Variants in GLS observed in about 807,000 individuals in gnomAD.
GLS encodes the protein glutaminase, also known as glutaminase kidney isoform, mitochondrial.
A neutral mutation model predicts 86.7 loss-of-function variants in GLS; 36 were observed. The observed-to-expected ratio is 0.42, with a 90% CI of 0.32 to 0.55. The LOEUF is 0.55. Ranked by LOEUF, GLS falls within the 20% of genes least tolerant of loss-of-function variation. GLS has a pLI of 0.17. For synonymous variants in GLS, 317 were observed against 305.9 expected (o/e 1.04, Z -0.38); for missense variants, 528 against 833.4 (o/e 0.63, Z 4.51).
chr2:190,937,622 G>A (rs1203825334), intron 14 of GLS, among the ~76,000 whole-genome samples: 1 of 151,304 alleles, frequency 6.6e-6, no homozygotes, highest in East Asian at 1.9e-4. Context: ...GAGAATTTAA[G>A]TTGACTTTGT....
intron 3 of GLS, among the ~76,000 whole-genome samples, chr2:190,900,257 C>G (rs1444360368): frequency 2.6e-5 from 4 of 152,110 alleles, no homozygotes; most frequent in Non-Finnish European, 5.9e-5. Flanking sequence ...GTTACCAACT[C>G]TGATTGAGTA....
At chr2:190,932,416 T>C (rs2124919329) in intron 14 of GLS, among the ~76,000 whole-genome samples, 1 of 152,080 alleles carries the variant, frequency 6.6e-6, no homozygotes, top group East Asian at 1.9e-4. Context: ...CAAGATAATA[T>C]GAAGAACTTC....
At chr2:190,933,154 T>A in intron 14 of GLS, 1 of 854,684 alleles carries the variant, frequency 1.2e-6, no homozygotes, top group Non-Finnish European at 1.4e-6. Context: ...AACTATGTGG[T>A]CAGATAATCC....
intron 14 of GLS, among the ~76,000 whole-genome samples, chr2:190,952,374 A>G (rs972055774): frequency 6.6e-6 from 1 of 152,210 alleles, no homozygotes; most frequent in African/African-American, 2.4e-5. Flanking sequence ...AGAGTCTTTC[A>G]TATGCTCATG....
intron 1 of GLS, among the ~76,000 whole-genome samples, chr2:190,893,425 T>G (rs1475590827): frequency 6.6e-6 from 1 of 152,196 alleles, no homozygotes; most frequent in Non-Finnish European, 1.5e-5. Context: ...TTGTTGAGCT[T>G]CTAAGTATGT....
At position 190,954,052 on chromosome 2, in the gene GLS, C is replaced by G. The variant is rs145600820; in HGVS notation, c.1712+426C>G. Among the ~76,000 whole-genome samples, 1 of 150,150 alleles carries G rather than the reference C, an allele frequency of 6.7e-6. No homozygotes were observed. Among genetic ancestry groups the G allele is most frequent in the East Asian group, 2.0e-4 (1 of 5,070 alleles). On this transcript the variant is annotated intron_variant, in intron 15 of 17. Coordinates refer to ENST00000320717, the MANE Select transcript of GLS (RefSeq NM_014905.5). The surrounding 1 kb of genome is among the most constrained non-coding windows in gnomAD (Gnocchi z 4.0). ...TCATCAGGATTAGTAAGGCCATATA[C>G]TGCTGTATACCTAAGGTCTTTTGTG...
intron 14 of GLS, among the ~76,000 whole-genome samples, chr2:190,940,146 T>G (rs1230446928): frequency 1.3e-5 from 2 of 152,060 alleles, no homozygotes; most frequent in African/African-American, 4.8e-5. Context: ...CAGTATAATA[T>G]AGCTTATTCT....
chr2:190,902,981 G>A (rs887168092), intron 5 of GLS, among the ~76,000 whole-genome samples: 6 of 152,108 alleles, frequency 3.9e-5, no homozygotes, highest in African/African-American at 9.7e-5. Context: ...ACTAAAAGCC[G>A]TTTAACCTAG....
Position 190,921,966 on chromosome 2 carries a change from A to G in GLS, c.1130+763A>G, listed in dbSNP as rs930411308. Among the ~76,000 whole-genome samples, 2 of 152,134 alleles carry G rather than the reference A, an allele frequency of 1.3e-5. No individual in the cohort carries two copies. The highest frequency in any genetic ancestry group is 2.4e-5 in the African/African-American group (1 of 41,464). ...CGATGTCTGTTTTGTCTCTTTACTT[A>G]GAACAGTCCCCGTGCCCTTGCTTTC... is the stretch of plus-strand genomic sequence containing the variant. On this transcript the variant is annotated intron_variant, in intron 9 of 17. Transcript: ENST00000320717. The surrounding 1 kb of genome is among the most constrained non-coding windows in gnomAD (Gnocchi z 4.2).
Position 190,913,193 on chromosome 2 carries a change from G to T in GLS, c.1038+2872G>T, listed in dbSNP as rs1558977840. The T allele has an allele frequency of 7.7e-7, 1 of 1,295,772 alleles. No homozygotes were observed. Among genetic ancestry groups the T allele is most frequent in the Non-Finnish European group, 1.0e-6 (1 of 981,362 alleles). The allele number at this position is 1,295,772 out of a possible 1,614,324, so 80.3% of individuals were successfully genotyped here. On this transcript the variant is annotated intron_variant, in intron 7 of 17. Coordinates refer to ENST00000320717, the MANE Select transcript of GLS (RefSeq NM_014905.5). The surrounding 1 kb of genome is among the most constrained non-coding windows in gnomAD (Gnocchi z 6.1). ...TAGTATTGATATTTTTTCCTTGTAG[G>T]ATTGGTGGTGATCCTCAGGAAATGG...
chr2:190,907,328 G>C (rs929408738), intron 6 of GLS, among the ~76,000 whole-genome samples: 1 of 151,760 alleles, frequency 6.6e-6, no homozygotes, highest in Non-Finnish European at 1.5e-5. Context: ...CGCAATCTCG[G>C]CTCACCGCAA....
chr2:190,904,898 GA>G (rs2124851566), intron 5 of GLS, 105 bp from the exon 6 acceptor site: 3 of 712,574 alleles, frequency 4.2e-6, no homozygotes, highest in Non-Finnish European at 4.9e-6. Context: ...TGAATTATGG[GA>G]AAATTTTTGT....
intron 14 of GLS, among the ~76,000 whole-genome samples, chr2:190,936,649 G>A (rs1690279022): frequency 6.6e-6 from 1 of 151,080 alleles, no homozygotes; most frequent in Non-Finnish European, 1.5e-5. Context: ...AACAATATTG[G>A]GGGAACTCTG....
Position 190,938,328 on chromosome 2 carries a change from T to C in GLS, c.1650+6691T>C, listed in dbSNP as rs1690333671. Reference sequence around the variant, plus strand: ...TTTTTAAATTTCTATTTTCATATTATGTTTCTGGTGATTTATGTTTATATA... The same window carrying C: ...TTTTTAAATTTCTATTTTCATATTACGTTTCTGGTGATTTATGTTTATATA... On this transcript the variant is annotated intron_variant, in intron 14 of 17. Transcript: ENST00000320717. This position sits in a 1 kb window ranked among gnomAD's most constrained non-coding sequence, Gnocchi z 4.1. 6.6e-6 allele frequency among the ~76,000 whole-genome samples: 1 copy of C among 151,610 alleles called. No individual in the cohort carries two copies. Among genetic ancestry groups the C allele is most frequent in the Non-Finnish European group, 1.5e-5 (1 of 67,560 alleles).
intron 14 of GLS, among the ~76,000 whole-genome samples, chr2:190,937,926 A>G (rs932220608): frequency 1.3e-5 from 2 of 150,564 alleles, no homozygotes; most frequent in African/African-American, 4.9e-5. Context: ...GCTTTAAAAC[A>G]AAAGTTATAA....
At position 190,921,212 on chromosome 2, in the gene GLS, TTTAAA is replaced by T; in HGVS notation, c.1130+11_1130+15del. 1 of 1,562,978 alleles carries T rather than the reference TTTAAA, an allele frequency of 6.4e-7. No individual in the cohort carries two copies. Among genetic ancestry groups the T allele is most frequent in the Non-Finnish European group, 8.8e-7 (1 of 1,133,852 alleles). ...GGATTCAGTAATGCAACGTGAGTGT[TTTAAA>T]TACTGTTTTGTTACGTAAAAACACA... On this transcript the variant is annotated intron_variant, in intron 9 of 17. Transcript: ENST00000320717. This position sits in a 1 kb window ranked among gnomAD's most constrained non-coding sequence, Gnocchi z 4.2.
chr2:190,908,051 A>C (rs1689221364), intron 6 of GLS, among the ~76,000 whole-genome samples: 1 of 152,154 alleles, frequency 6.6e-6, no homozygotes, highest in Non-Finnish European at 1.5e-5. Context: ...GTGAGAGGGC[A>C]CTGCACATTT....
In GLS at chr2:190,881,281, A is replaced by G. The variant is rs745868031; in HGVS notation, c.197A>G (p.Glu66Gly). Residue 66 changes from glutamate to glycine, a missense_variant, in exon 1 of 18, where the codon GAG becomes GGG. Physicochemically the swap from Glu to Gly is moderately conservative, Grantham distance 98. Coordinates refer to ENST00000320717, the MANE Select transcript of GLS (RefSeq NM_014905.5). ...PWWGGGGWPAEPLARGLSSSP... is the reference protein window; with the variant it reads ...PWWGGGGWPAGPLARGLSSSP... ...TGGGGCGGGGGCGGCTGGCCGGCGGAGCCCCTCGCGCGGGGCCTGTCCAGC... is the reference window on the plus strand; with the variant it reads ...TGGGGCGGGGGCGGCTGGCCGGCGGGGCCCCTCGCGCGGGGCCTGTCCAGC... 73 of 1,326,976 alleles carry G rather than the reference A, an allele frequency of 5.5e-5. No individual in the cohort carries two copies. The African/African-American group carries it at 1.0e-3, about 18-fold the overall frequency. 82.2% of individuals were successfully genotyped at this position (1,326,976 alleles called of 1,614,324 possible).
intron 12 of GLS, among the ~76,000 whole-genome samples, chr2:190,929,224 A>G (rs1690017421): frequency 6.6e-6 from 1 of 151,682 alleles, no homozygotes; most frequent in Admixed American, 6.6e-5. Context: ...AGGAGGAGTA[A>G]TTTAAATTAC....
Sources: allele counts gnomAD v4.1 joint callset (sites outside exome capture counted in the v4.1 genomes callset), GRCh38; gene constraint gnomAD v4.1.1; non-coding constraint Gnocchi (gnomAD v3.1); transcripts MANE v1.5; gene names NCBI Gene and HGNC (gene_info 2026-07-23, HGNC 2026-07-21).